The following PKD2L2 variants were observed in gnomAD, a reference collection of about 807,000 sequenced individuals.
PKD2L2 encodes polycystin 2 like 2, transient receptor potential cation channel.
In PKD2L2, 67 loss-of-function variants were observed where a neutral mutation model predicts 83.9. That is an observed-to-expected ratio of 0.80 (90% CI 0.66 to 0.98). The LOEUF is 0.98. PKD2L2 is among the 50% of genes least tolerant of loss of function. PKD2L2 has a pLI of 0.00. For missense variants in PKD2L2, 632 were observed against 717.2 expected (o/e 0.88, Z 1.36); for synonymous variants, 223 against 237.8 (o/e 0.94, Z 0.57).
chr5:137,940,712 C>CA (rs1234066332), intron 14 of PKD2L2, among the ~76,000 whole-genome samples: 4 of 152,148 alleles, frequency 2.6e-5, no homozygotes, highest in African/African-American at 9.7e-5. Flanking sequence ...TTAACTGCGG[C>CA]TCCAGTGAAT....
At chr5:137,913,023 C>G (rs1056046678) in intron 8 of PKD2L2, among the ~76,000 whole-genome samples, 2 of 150,722 alleles carry the variant, frequency 1.3e-5, no homozygotes, top group African/African-American at 2.4e-5. Context: ...AGGCCGGTCT[C>G]AAACTCCCGG....
At chr5:137,931,018 A>C (rs1375457938) in intron 12 of PKD2L2, among the ~76,000 whole-genome samples, 1 of 152,152 alleles carries the variant, frequency 6.6e-6, no homozygotes, top group Non-Finnish European at 1.5e-5. Context: ...AAGAAATTAC[A>C]ATGGGGGAAA....
In PKD2L2 at chr5:137,921,747, T is replaced by C; in HGVS notation, c.1440T>C (p.Phe480=). 1.9e-6 allele frequency: 3 copies of C among 1,604,802 alleles called. No homozygotes were observed. The highest frequency in any genetic ancestry group is 2.6e-6 in the Non-Finnish European group (3 of 1,174,272). ...YFITFIFFVF[F]VLLNMFLAII... Reference sequence around the variant, plus strand: ...TCACTTTCATCTTTTTTGTGTTCTTTGTCCTGCTGGTAAGAATAATACATA... The same window carrying C: ...TCACTTTCATCTTTTTTGTGTTCTTCGTCCTGCTGGTAAGAATAATACATA... Residue 480 remains phenylalanine (F), a synonymous_variant, in exon 9 of 15, where the codon TTT becomes TTC. Transcript: ENST00000508883.
intron 12 of PKD2L2, among the ~76,000 whole-genome samples, chr5:137,929,016 C>T (rs1342795225): frequency 6.6e-6 from 1 of 152,054 alleles, no homozygotes; most frequent in African/African-American, 2.4e-5. Flanking sequence ...TTACAAAAGA[C>T]GTCATCTCTC....
At chr5:137,904,443 A>G (rs1009174092) in intron 5 of PKD2L2, among the ~76,000 whole-genome samples, 1 of 152,248 alleles carries the variant, frequency 6.6e-6, no homozygotes, top group African/African-American at 2.4e-5. Context: ...TATGCCATAA[A>G]AAGAATGCGA....
intron 14 of PKD2L2, chr5:137,939,901 T>C (rs1178254990): frequency 7.5e-7 from 1 of 1,333,072 alleles, no homozygotes; most frequent in Admixed American, 3.6e-5. Flanking sequence ...AAGCTTGCAT[T>C]TCCAAAGTTC....
chr5:137,939,955 G>A (rs1257404628), intron 14 of PKD2L2: 38 of 1,432,178 alleles, frequency 2.7e-5, no homozygotes, highest in Non-Finnish European at 3.5e-5. Flanking sequence ...CTAAAAGGAT[G>A]TATCTGTAGT....
chr5:137,917,610 TA>T (rs796878936), intron 8 of PKD2L2, among the ~76,000 whole-genome samples: 27 of 152,288 alleles, frequency 1.8e-4, no homozygotes, highest in South Asian at 4.1e-4. Flanking sequence ...TTCCATCTTA[TA>T]TTTTTTTGTT....
At chr5:137,935,775 T>A (rs372146586) in intron 12 of PKD2L2, 22 bp from the exon 13 acceptor site, 1 of 1,291,666 alleles carries the variant, frequency 7.7e-7, no homozygotes, top group Non-Finnish European at 1.1e-6. Flanking sequence ...TTGCAGCCTT[T>A]ACTTGTCCTC....
At chr5:137,891,539 T>C (rs1018604678) in intron 2 of PKD2L2, among the ~76,000 whole-genome samples, 22 of 152,120 alleles carry the variant, frequency 1.4e-4, no homozygotes, top group Admixed American at 5.9e-4. Context: ...TATAAAAGCT[T>C]GGTTATGAAA....
chr5:137,937,080 A>G (rs1760499551), intron 14 of PKD2L2, among the ~76,000 whole-genome samples: 1 of 152,190 alleles, frequency 6.6e-6, no homozygotes, highest in African/African-American at 2.4e-5. Flanking sequence ...GAGTAGAAAA[A>G]CTATTGATGC....
chr5:137,914,401 C>G (rs774553123), intron 8 of PKD2L2, among the ~76,000 whole-genome samples: 2 of 152,002 alleles, frequency 1.3e-5, no homozygotes, highest in African/African-American at 2.4e-5. Flanking sequence ...ATTCCAAAAT[C>G]TAAAAAAAAT....
intron 5 of PKD2L2, among the ~76,000 whole-genome samples, chr5:137,901,409 T>TG (rs144880947): frequency 0.032 from 1,812 of 56,232 alleles, 30 homozygotes; most frequent in South Asian, 0.25. Context: ...TGCCCTATTC[T>TG]GGAAAAAAAA....
At chr5:137,896,621 A>G (rs948389106) in intron 4 of PKD2L2, among the ~76,000 whole-genome samples, 1 of 152,106 alleles carries the variant, frequency 6.6e-6, no homozygotes, top group Non-Finnish European at 1.5e-5. Context: ...TATGTTACCC[A>G]GGCTGGTCTC....
chr5:137,902,137 A>G (rs1757012525), intron 5 of PKD2L2, among the ~76,000 whole-genome samples: 1 of 152,198 alleles, frequency 6.6e-6, no homozygotes, highest in African/African-American at 2.4e-5. Context: ...GAAACAGAAC[A>G]GAAAACAAAT....
chr5:137,889,672 G>A (rs1247694366), intron 1 of PKD2L2, 150 bp downstream of exon 1: 4 of 642,816 alleles, frequency 6.2e-6, no homozygotes, highest in East Asian at 6.9e-5. Context: ...AGCGGAGAGG[G>A]ACAGATGGTC....
chr5:137,891,018 A>G (rs1755927286), intron 2 of PKD2L2, among the ~76,000 whole-genome samples: 1 of 152,226 alleles, frequency 6.6e-6, no homozygotes, highest in Admixed American at 6.5e-5. Flanking sequence ...TCACTGACCT[A>G]TTGCAGTTAA....
chr5:137,935,515 A>G (rs1760254835), intron 12 of PKD2L2, among the ~76,000 whole-genome samples: 1 of 152,252 alleles, frequency 6.6e-6, no homozygotes, highest in African/African-American at 2.4e-5. Context: ...AATAATTTAG[A>G]TGGAGATGCT....
chr5:137,923,907 G>A (rs997300320), intron 10 of PKD2L2, among the ~76,000 whole-genome samples: 12 of 152,038 alleles, frequency 7.9e-5, no homozygotes, highest in Non-Finnish European at 1.5e-4. Context: ...TCCATGTGTC[G>A]TCTTCCTCAT....
Sources: allele counts gnomAD v4.1 joint callset (sites outside exome capture counted in the v4.1 genomes callset), GRCh38; gene constraint gnomAD v4.1.1; transcripts MANE v1.5; gene names NCBI Gene and HGNC (gene_info 2026-07-23, HGNC 2026-07-21).